Variants in TSPAN16 observed in about 807,000 individuals in gnomAD.
TSPAN16 encodes the protein tetraspanin-16.
A neutral mutation model predicts 25.2 loss-of-function variants in TSPAN16; 23 were observed. The ratio of observed to expected loss-of-function variants is 0.91; its 90% CI spans 0.66 to 1.29. The LOEUF (loss-of-function observed/expected upper bound fraction) is 1.29, where lower values mean the gene tolerates loss of function less well. TSPAN16 is among the 50% of genes most tolerant of loss of function. The pLI, the probability that TSPAN16 is intolerant of heterozygous loss-of-function variation, is 0.00. For synonymous variants in TSPAN16, 123 were observed against 124.4 expected, an observed-to-expected ratio of 0.99 and a Z score of 0.08; for missense variants, 272 against 299.9, an observed-to-expected ratio of 0.91 and a Z score of 0.69.
chr19:11,314,672 AG>A (rs1273806611), intron 6 of TSPAN16, among the ~76,000 whole-genome samples: 4 of 152,224 alleles, frequency 2.6e-5, no homozygotes, highest in Admixed American at 6.5e-5. Flanking sequence ...GAGGGGTGAC[AG>A]GGTTCAGTGA....
At chr19:11,297,530 T>TC (rs1162282992) in intron 1 of TSPAN16, among the ~76,000 whole-genome samples, 8 of 133,700 alleles carry the variant, frequency 6.0e-5, no homozygotes, top group African/African-American at 2.6e-4. Context: ...GGAGTCTTGC[T>TC]CTGTCACCCA....
At chr19:11,320,739 T>C (rs950766742), downstream of TSPAN16, among the ~76,000 whole-genome samples, 5 of 150,984 alleles carry the variant, frequency 3.3e-5, no homozygotes, top group Admixed American at 1.3e-4. Context: ...ATTGCAGTAC[T>C]AAATCAGGGG....
downstream of TSPAN16, among the ~76,000 whole-genome samples, chr19:11,320,586 T>C (rs1446895529): frequency 6.6e-6 from 1 of 150,842 alleles, no homozygotes; most frequent in East Asian, 2.0e-4. Flanking sequence ...AGTGGGAGGA[T>C]CCTTTGAGTC....
chr19:11,319,920 T>C (rs896892345), downstream of TSPAN16, among the ~76,000 whole-genome samples: 2 of 152,076 alleles, frequency 1.3e-5, no homozygotes, highest in African/African-American at 4.8e-5. Context: ...GTTCACGCCA[T>C]TCTCCTGCCT....
At chr19:11,319,544 G>A (rs972201378), downstream of TSPAN16, among the ~76,000 whole-genome samples, 57 of 152,124 alleles carry the variant, frequency 3.7e-4, no homozygotes, top group Middle Eastern at 3.4e-3. Flanking sequence ...CTTGCAGTGA[G>A]CCGAGATCGC....
rs1320929390 is a variant in TSPAN16, at chr19:11,315,813, T to G, written c.710T>G (p.Leu237Trp). The G allele has an allele frequency of 1.1e-5, 13 of 1,231,882 alleles. No individual in the cohort carries two copies. Among genetic ancestry groups the G allele is most frequent in the Non-Finnish European group, 1.2e-5 (12 of 987,880 alleles). The allele number at this position is 1,231,882 out of a possible 1,614,324, so 76.3% of individuals were successfully genotyped here. The change falls in exon 7 of 7, where the codon TTG becomes TGG. Residue 237 changes from leucine (L) to tryptophan (W), a missense_variant. Leu to Trp is a moderately conservative substitution (Grantham distance 61). Transcript: ENST00000590327. Reference protein sequence around the residue: ...VIQLPGILATLLLFIKLG With the variant: ...VIQLPGILATWLLFIKLG ...CAGTTGCCAGGAATTCTTGCCACTT[T>G]GCTGCTGTTTATCAAGCTGGGCTGA...
At position 11,298,001 on chromosome 19, in the gene TSPAN16, G is replaced by A. The variant is rs1354980216; in HGVS notation, c.70-141G>A. 4 of 770,898 alleles carry A rather than the reference G, an allele frequency of 5.2e-6. No individual in the cohort carries two copies. In the African/African-American group the frequency reaches 5.3e-5, roughly 10 times the overall value. The allele number at this position is 770,898 out of a possible 1,614,324, so 47.8% of individuals were successfully genotyped here. On this transcript the variant is annotated intron_variant, in intron 1 of 6. Transcript: ENST00000590327. ...GGTACAGATGAGGTCTTACCAAGCTGGTCTTGAACTCCTGGGCTCAAGTCT... is the reference window on the plus strand; with the variant it reads ...GGTACAGATGAGGTCTTACCAAGCTAGTCTTGAACTCCTGGGCTCAAGTCT...
chr19:11,300,365 G>C (rs2080530974), intron 3 of TSPAN16, among the ~76,000 whole-genome samples: 1 of 152,178 alleles, frequency 6.6e-6, no homozygotes. Flanking sequence ...AGGGAGCTGG[G>C]ATATTGATCC....
At chr19:11,296,528 C>T (rs1439338619) in intron 1 of TSPAN16, among the ~76,000 whole-genome samples, 162 bp downstream of exon 1, 2 of 152,018 alleles carry the variant, frequency 1.3e-5, no homozygotes, top group Non-Finnish European at 2.9e-5. Context: ...GAGCAGGGAG[C>T]GTGGGGACCT....
downstream of TSPAN16, among the ~76,000 whole-genome samples, chr19:11,316,301 G>T (rs1187825588): frequency 6.6e-6 from 1 of 151,968 alleles, no homozygotes; most frequent in Non-Finnish European, 1.5e-5. Flanking sequence ...TGTATGTTTA[G>T]TAGAGATGGG....
chr19:11,308,120 G>T (rs375438609), intron 5 of TSPAN16: 1 of 152,280 alleles, frequency 6.6e-6, no homozygotes, highest in East Asian at 1.9e-4. Flanking sequence ...TCATTTTGCA[G>T]ATAAGGAAAC....
chr19:11,296,402 C>CA (rs1568284324), intron 1 of TSPAN16, 36 bp downstream of exon 1: 18 of 1,601,360 alleles, frequency 1.1e-5, no homozygotes, highest in Non-Finnish European at 1.5e-5. Context: ...TGGTTTGTTG[C>CA]AGCCCTTCCT....
rs1326358622 is a variant in TSPAN16, at chr19:11,326,812, G to GTT, written c.707_708dup (p.Ala237LeufsTer27). The stretch of plus-strand genomic sequence containing the variant: ...TTTGTAGAGGTGGGGGTCTCGCTAT[G>GTT]TTGCGCAGGCTGGTCTTGAACTGCT... On this transcript the variant is annotated frameshift_variant, in exon 7 of 7. Transcript: ENST00000316737. LOFTEE classifies it high-confidence loss of function. The GTT allele has an allele frequency of 5.8e-6, 4 of 688,640 alleles. No homozygotes were observed. The Admixed American group carries it at 6.1e-5, about 11-fold the overall frequency. The allele number at this position is 688,640 out of a possible 1,614,324, so 42.7% of individuals were successfully genotyped here.
Position 11,298,137 on chromosome 19 carries a change from T to A in TSPAN16, c.70-5T>A. ...TTTTCTTCCTTTCTGGTTTCTGTTC[T>A]AAAGGTGTCTGGCATCATCCTAGTT... On this transcript the variant is annotated splice_region_variant and splice_polypyrimidine_tract_variant and intron_variant, in intron 1 of 6. Transcript: ENST00000590327. 1.2e-6 allele frequency: 2 copies of A among 1,614,108 alleles called. No homozygotes were observed. Among genetic ancestry groups the A allele is most frequent in the Non-Finnish European group, 1.7e-6 (2 of 1,179,968 alleles).
intron 6 of TSPAN16, 44 bp downstream of exon 6, chr19:11,312,266 C>T: frequency 7.2e-7 from 1 of 1,392,356 alleles, no homozygotes; most frequent in Non-Finnish European, 1.0e-6. Flanking sequence ...TTTTATTAAG[C>T]ACCTACTGTA....
chr19:11,298,403 C>T (rs2080504143), intron 2 of TSPAN16, 64 bp downstream of exon 2: 7 of 1,506,578 alleles, frequency 4.6e-6, no homozygotes, highest in East Asian at 2.3e-5. Context: ...TTTTATTGTG[C>T]GTGTTGCAAA....
At chr19:11,316,977 A>T (rs2080752864), downstream of TSPAN16, among the ~76,000 whole-genome samples, 1 of 150,688 alleles carries the variant, frequency 6.6e-6, no homozygotes, top group Non-Finnish European at 1.5e-5. Context: ...CGCCTGGCTA[A>T]TTTTTTGTAT....
At chr19:11,321,101 G>A (rs1263635145) in intron 6 of TSPAN16, among the ~76,000 whole-genome samples, 5 of 151,620 alleles carry the variant, frequency 3.3e-5, no homozygotes, top group Non-Finnish European at 7.4e-5. Context: ...CCTGGGAGGC[G>A]GAGGTTGCAG....
downstream of TSPAN16, among the ~76,000 whole-genome samples, chr19:11,316,916 A>G (rs1256464964): frequency 6.6e-6 from 1 of 150,840 alleles, no homozygotes; most frequent in African/African-American, 2.4e-5. Context: ...GGTTCAAGCA[A>G]TTCTCCTGCT....
Sources: gnomAD v4.1 joint callset for allele counts (sites outside exome capture counted in the v4.1 genomes callset) on GRCh38, gnomAD v4.1.1 for gene constraint, MANE v1.5 for transcripts, NCBI Gene and HGNC (gene_info 2026-07-23, HGNC 2026-07-21) for gene names.